Variants in ASPH observed in about 807,000 individuals in gnomAD.
The protein encoded by ASPH is aspartyl/asparaginyl beta-hydroxylase.
Under a neutral mutation model 118.4 loss-of-function variants are expected in ASPH, and 100 were observed. The observed-to-expected ratio is 0.84, with a 90% CI of 0.72 to 1.00. The LOEUF (loss-of-function observed/expected upper bound fraction) is 1.00, where lower values mean the gene tolerates loss of function less well. ASPH is among the 50% of genes least tolerant of loss of function. The pLI, the probability that ASPH is intolerant of heterozygous loss-of-function variation, is 0.00. For synonymous variants in ASPH, 315 were observed against 325.6 expected (o/e 0.97, Z 0.35); for missense variants, 920 against 919.5 (o/e 1.00, Z -0.01).
chr8:61,686,063 TC>T (rs1202903922), intron 1 of ASPH, among the ~76,000 whole-genome samples: 1 of 152,114 alleles, frequency 6.6e-6, no homozygotes, highest in Admixed American at 6.5e-5. Context: ...GTCAAGTAAT[TC>T]CTTTTTCTGA....
At chr8:61,562,352 T>C (rs1165456862) in intron 18 of ASPH, among the ~76,000 whole-genome samples, 2 of 108,350 alleles carry the variant, frequency 1.8e-5, no homozygotes, top group Non-Finnish European at 3.7e-5. Context: ...TAGACCATAC[T>C]TCTGCCAAAA....
rs1810751009 is a variant in ASPH, at chr8:61,651,101, C to T, written c.439G>A (p.Ala147Thr). Residue 147 changes from alanine to threonine, a missense_variant, in exon 5 of 25, where the codon GCA becomes ACA. Ala to Thr is a moderately conservative substitution (Grantham distance 58, BLOSUM62 0). Transcript: ENST00000379454. ...AGAAGGGACTGAATTTGTTCTTTTG[C>T]TTCATCTTCGATATTCTGGGGTTCT... Reference protein sequence around the residue: ...EAEPQNIEDEAKEQIQSLLHE... With the variant: ...EAEPQNIEDETKEQIQSLLHE... 1 of 1,613,670 alleles carries T rather than the reference C, an allele frequency of 6.2e-7. No individual in the cohort carries two copies. The highest frequency in any genetic ancestry group is 8.5e-7 in the Non-Finnish European group (1 of 1,179,842).
intron 1 of ASPH, among the ~76,000 whole-genome samples, chr8:61,704,178 G>A (rs984979029): frequency 1.7e-5 from 2 of 119,870 alleles, no homozygotes; most frequent in Non-Finnish European, 3.2e-5. Flanking sequence ...CTGGGCGACA[G>A]AGCGAGACTC....
Position 61,517,659 on chromosome 8 carries a change from G to C in ASPH, c.1995C>G (p.Ile665Met), listed in dbSNP as rs143327706. The change falls in exon 24 of 25, where the codon ATC becomes ATG. Residue 665 changes from isoleucine (I) to methionine (M), a missense_variant and splice_region_variant. Ile to Met is a conservative substitution (Grantham distance 10, BLOSUM62 1). Coordinates refer to ENST00000379454, the MANE Select transcript of ASPH (RefSeq NM_004318.4). ...TCCCGGGGTGCATGATGGAATATTT[G>C]ATCTGCATAGAAAACATGACACTCC... ...PETTGCRRGQ[I>M]KYSIMHPGTH... 2.0e-5 allele frequency: 32 copies of C among 1,613,590 alleles called. No individual in the cohort carries two copies. The highest frequency in any genetic ancestry group is 1.7e-5 in the Non-Finnish European group (20 of 1,179,702).
intron 1 of ASPH, among the ~76,000 whole-genome samples, chr8:61,693,485 C>G (rs1313758657): frequency 6.6e-6 from 1 of 152,126 alleles, no homozygotes; most frequent in African/African-American, 2.4e-5. Context: ...CCAAAGTTAA[C>G]AGGAGAGAAT....
At position 61,665,573 on chromosome 8, in the gene ASPH, T is replaced by A. The variant is rs1819157551; in HGVS notation, c.323-11913A>T. ...CTTCCTTGACTCAGGTTTCTCTTTC[T>A]CCTTCTTGAGCTCTTCTTTAGTGAG... On this transcript the variant is annotated intron_variant, in intron 3 of 24. Coordinates refer to ENST00000379454, the MANE Select transcript of ASPH (RefSeq NM_004318.4). 3.1e-6 allele frequency: 5 copies of A among 1,596,180 alleles called. No homozygotes were observed. The Middle Eastern group carries it at 6.7e-4, about 213-fold the overall frequency.
At chr8:61,550,688 C>T (rs549234920) in intron 20 of ASPH, among the ~76,000 whole-genome samples, 4 of 152,302 alleles carry the variant, frequency 2.6e-5, no homozygotes, top group African/African-American at 4.8e-5. Context: ...TAAATGCTAT[C>T]GCGTGCAAAC....
chr8:61,577,493 T>C (rs1835726701), intron 15 of ASPH, among the ~76,000 whole-genome samples: 1 of 148,826 alleles, frequency 6.7e-6, no homozygotes, highest in Admixed American at 6.7e-5. Flanking sequence ...TCAATATAAG[T>C]ACAGGTTCTA....
intron 14 of ASPH, among the ~76,000 whole-genome samples, chr8:61,592,240 C>G (rs1371024313): frequency 6.6e-6 from 1 of 152,228 alleles, no homozygotes; most frequent in Non-Finnish European, 1.5e-5. Context: ...TTATGACTTT[C>G]ATCTACAGTA....
At chr8:61,706,213 A>C (rs1836570193) in intron 1 of ASPH, among the ~76,000 whole-genome samples, 1 of 151,812 alleles carries the variant, frequency 6.6e-6, no homozygotes, top group Admixed American at 6.6e-5. Context: ...ACTTGAGCCC[A>C]GGAGTTTGAG....
At chr8:61,518,230 G>C in intron 22 of ASPH, 107 bp from the exon 23 acceptor site, 2 of 891,202 alleles carry the variant, frequency 2.2e-6, no homozygotes, top group Non-Finnish European at 3.4e-6. Flanking sequence ...GGAATGAGAA[G>C]ATTGAGTAAA....
intron 3 of ASPH, chr8:61,676,183 T>C (rs1207575437): frequency 7.5e-6 from 12 of 1,599,130 alleles, no homozygotes; most frequent in Admixed American, 5.0e-5. Flanking sequence ...CTTCTTCTTC[T>C]AGCATTTCAA....
chr8:61,517,761 A>T, intron 23 of ASPH, 100 bp from the exon 24 acceptor site: 3 of 1,420,008 alleles, frequency 2.1e-6, no homozygotes, highest in South Asian at 2.7e-5. Context: ...TTTGGATTAG[A>T]GCCTTTGTAA....
At position 61,552,941 on chromosome 8, in the gene ASPH, A is replaced by G. The variant is rs1586954670; in HGVS notation, c.1626+90T>C. 6.1e-6 allele frequency: 7 copies of G among 1,140,366 alleles called. No homozygotes were observed. In the Admixed American group the frequency reaches 1.4e-4, roughly 23 times the overall value. The allele number at this position is 1,140,366 out of a possible 1,614,324, so 70.6% of individuals were successfully genotyped here. A position where few individuals can be genotyped will look rare whatever the true frequency, so the allele number is the denominator to read the frequency against. On this transcript the variant is annotated intron_variant, in intron 20 of 24. Transcript: ENST00000379454. ...CTGCTTTCGAAAGTTCACACTCAAA[A>G]TATTTTTTGAATTCTAACTTTCCTA...
At chr8:61,641,059 A>C (rs1016765193) in intron 10 of ASPH, among the ~76,000 whole-genome samples, 10 of 152,242 alleles carry the variant, frequency 6.6e-5, no homozygotes, top group Admixed American at 6.5e-4. Flanking sequence ...AGTGAATAAT[A>C]CACTGTTCAA....
At chr8:61,662,429 G>A (rs547276752) in intron 3 of ASPH, among the ~76,000 whole-genome samples, 1 of 152,202 alleles carries the variant, frequency 6.6e-6, no homozygotes, top group Non-Finnish European at 1.5e-5. Flanking sequence ...TCCCGTTGTA[G>A]CTGGCTTATT....
intron 14 of ASPH, among the ~76,000 whole-genome samples, chr8:61,596,079 C>G (rs1360086918): frequency 6.6e-6 from 1 of 152,078 alleles, no homozygotes; most frequent in African/African-American, 2.4e-5. Context: ...GTGTGTCCTA[C>G]CTGGTACCAC....
At chr8:61,623,792 T>A (rs1372412985) in intron 13 of ASPH, 3 of 152,174 alleles carry the variant, frequency 2.0e-5, no homozygotes, top group African/African-American at 7.2e-5. Flanking sequence ...AACAGACGAA[T>A]GAAGAAAATG....
In ASPH at chr8:61,677,891, C is replaced by T. The variant is rs1380201587; in HGVS notation, c.322+3077G>A. Among the ~76,000 whole-genome samples the T allele has an allele frequency of 2.6e-5, 4 of 152,078 alleles. 1 individual carries two copies. In the South Asian group the frequency reaches 8.3e-4, roughly 31 times the overall value. Reference sequence around the variant, plus strand: ...CAGTATGACAGATGACCATATGCAACGAATATGCAAAAGCATTTGAACAAA... The same window carrying T: ...CAGTATGACAGATGACCATATGCAATGAATATGCAAAAGCATTTGAACAAA... On this transcript the variant is annotated intron_variant, in intron 3 of 24. Transcript: ENST00000379454.
Sources: allele counts gnomAD v4.1 joint callset (sites outside exome capture counted in the v4.1 genomes callset), GRCh38; gene constraint gnomAD v4.1.1; transcripts MANE v1.5; gene names NCBI Gene and HGNC (gene_info 2026-07-23, HGNC 2026-07-21).